LMNTD1: variants seen among roughly 807,000 people sequenced by gnomAD.
The protein encoded by LMNTD1 is lamin tail domain-containing protein 1.
LMNTD1 carries 35 observed loss-of-function variants against 50.9 expected under a neutral mutation model. The ratio of observed to expected loss-of-function variants is 0.69; its 90% CI spans 0.53 to 0.91. The LOEUF is 0.91. Ranked by LOEUF, LMNTD1 falls within the 40% of genes least tolerant of loss-of-function variation. The pLI is 0.00. For synonymous variants in LMNTD1, 153 were observed against 161.9 expected (o/e 0.94, Z 0.42); for missense variants, 470 against 475.5 (o/e 0.99, Z 0.11).
intron 9 of LMNTD1, 53 bp from the exon 10 acceptor site, chr12:25,476,513 C>T (rs772398832): frequency 6.6e-6 from 1 of 152,170 alleles, no homozygotes; most frequent in Admixed American, 6.5e-5. Flanking sequence ...ATGTGTCAGA[C>T]TATGCTAAAT....
intron 1 of LMNTD1, among the ~76,000 whole-genome samples, chr12:25,582,252 C>T (rs1488892873): frequency 2.0e-5 from 3 of 152,168 alleles, no homozygotes; most frequent in Non-Finnish European, 4.4e-5. Flanking sequence ...TTTCTACAGC[C>T]ACAAATAACC....
chr12:25,552,591 A>AAAAAAAAAAAG, intron 2 of LMNTD1, among the ~76,000 whole-genome samples: 1 of 150,274 alleles, frequency 6.7e-6, no homozygotes, highest in Non-Finnish European at 1.5e-5. Context: ...GAAAAAAAAA[A>AAAAAAAAAAAG]AAAAAAAAAA....
intron 8 of LMNTD1, among the ~76,000 whole-genome samples, chr12:25,509,352 C>G (rs1413587469): frequency 6.6e-6 from 1 of 152,220 alleles, no homozygotes; most frequent in Non-Finnish European, 1.5e-5. Context: ...AGGTGATCTG[C>G]CTGCCTCGGC....
intron 1 of LMNTD1, among the ~76,000 whole-genome samples, chr12:25,646,175 T>C (rs1435230413): frequency 6.6e-6 from 1 of 152,066 alleles, no homozygotes; most frequent in African/African-American, 2.4e-5. Context: ...ATGGCATTGT[T>C]CAAGATGGTA....
At chr12:25,602,072 T>A (rs1408320752) in intron 1 of LMNTD1, among the ~76,000 whole-genome samples, 2 of 151,928 alleles carry the variant, frequency 1.3e-5, no homozygotes, top group Admixed American at 6.6e-5. Context: ...TTTGACTATA[T>A]CTATCCATGC....
chr12:25,608,927 G>C (rs571280807), intron 1 of LMNTD1, among the ~76,000 whole-genome samples: 3 of 152,260 alleles, frequency 2.0e-5, no homozygotes, highest in African/African-American at 7.2e-5. Flanking sequence ...TTCCAGCTTG[G>C]TTCCATTCTC....
chr12:25,532,543 C>T (rs566920659), intron 4 of LMNTD1, among the ~76,000 whole-genome samples: 2 of 152,082 alleles, frequency 1.3e-5, no homozygotes, highest in African/African-American at 2.4e-5. Flanking sequence ...CTCTAAATGT[C>T]AGGCTATCAC....
chr12:25,519,393 T>C (rs1293223765), intron 7 of LMNTD1, among the ~76,000 whole-genome samples: 1 of 149,952 alleles, frequency 6.7e-6, no homozygotes, highest in East Asian at 2.0e-4. Context: ...GAGACCATCC[T>C]GGCTAACACG....
chr12:25,492,136 C>G (rs10505970), intron 9 of LMNTD1, among the ~76,000 whole-genome samples: 65,512 of 152,088 alleles, frequency 0.43, 15,356 homozygotes, highest in Non-Finnish European at 0.55. Context: ...ACCAGCAGGA[C>G]AAGTTTAGAA....
intron 1 of LMNTD1, among the ~76,000 whole-genome samples, chr12:25,560,904 G>A (rs1364145441): frequency 2.6e-5 from 4 of 152,182 alleles, no homozygotes; most frequent in Non-Finnish European, 5.9e-5. Flanking sequence ...CTTTGCTGAA[G>A]TTGCTTATCA....
intron 1 of LMNTD1, among the ~76,000 whole-genome samples, chr12:25,566,818 C>T (rs1289589456): frequency 6.6e-6 from 1 of 152,164 alleles, no homozygotes; most frequent in Non-Finnish European, 1.5e-5. Flanking sequence ...TCACCAAAGG[C>T]AGATTATTCT....
intron 9 of LMNTD1, among the ~76,000 whole-genome samples, chr12:25,488,894 G>T (rs948040583): frequency 6.6e-6 from 1 of 152,174 alleles, no homozygotes; most frequent in South Asian, 2.1e-4. Flanking sequence ...GCCTTGTGAG[G>T]TGTCAGTGTG....
At chr12:25,495,942 TG>T (rs576266813) in intron 9 of LMNTD1, among the ~76,000 whole-genome samples, 1 of 152,178 alleles carries the variant, frequency 6.6e-6, no homozygotes, top group Non-Finnish European at 1.5e-5. Flanking sequence ...TGGCTACTCA[TG>T]GAGGAAATAA....
At chr12:25,549,271 T>C in intron 3 of LMNTD1, 55 bp downstream of exon 3, 1 of 954,332 alleles carries the variant, frequency 1.0e-6, no homozygotes, top group Non-Finnish European at 1.6e-6. Flanking sequence ...ATGCAATCTA[T>C]TGAAATATAA....
intron 1 of LMNTD1, among the ~76,000 whole-genome samples, chr12:25,637,003 G>A (rs578015854): frequency 2.0e-5 from 3 of 148,992 alleles, no homozygotes; most frequent in African/African-American, 7.4e-5. Flanking sequence ...AATGGGAGGG[G>A]GGTGAGGGAT....
At chr12:25,584,964 C>T (rs1241724312) in intron 1 of LMNTD1, among the ~76,000 whole-genome samples, 1 of 152,172 alleles carries the variant, frequency 6.6e-6, no homozygotes, top group Admixed American at 6.5e-5. Context: ...CTAGTTGAAA[C>T]ACTTCTCAAG....
At chr12:25,583,148 A>C (rs1945376128) in intron 1 of LMNTD1, among the ~76,000 whole-genome samples, 1 of 149,756 alleles carries the variant, frequency 6.7e-6, no homozygotes. Flanking sequence ...CAGCCTCCCG[A>C]GTAGCTGGGA....
intron 9 of LMNTD1, among the ~76,000 whole-genome samples, chr12:25,502,235 T>C (rs1479510): frequency 0.17 from 26,246 of 150,814 alleles, 2,495 homozygotes; most frequent in East Asian, 0.31. Flanking sequence ...ATTCCCCCCC[T>C]TTTTTTTTGT....
chr12:25,606,242 A>G (rs964540185), intron 1 of LMNTD1, among the ~76,000 whole-genome samples: 2 of 152,164 alleles, frequency 1.3e-5, no homozygotes, highest in Non-Finnish European at 2.9e-5. Context: ...GGCTGAGACG[A>G]TGGGGTTTTC....
Sources: allele counts gnomAD v4.1 joint callset (sites outside exome capture counted in the v4.1 genomes callset), GRCh38; gene constraint gnomAD v4.1.1; transcripts MANE v1.5; gene names NCBI Gene and HGNC (gene_info 2026-07-23, HGNC 2026-07-21).